IL1RAPL1: variants seen among roughly 807,000 people sequenced by gnomAD.
IL1RAPL1 encodes the protein interleukin-1 receptor accessory protein-like 1.
A neutral mutation model predicts 48.4 loss-of-function variants in IL1RAPL1; 3 were observed. That is an observed-to-expected ratio of 0.06 (90% CI 0.03 to 0.16). The LOEUF (loss-of-function observed/expected upper bound fraction) is 0.16. Among genes scored for constraint, IL1RAPL1 ranks in the 10% least tolerant of loss-of-function variants. IL1RAPL1 has a pLI of 1.00. For synonymous variants in IL1RAPL1, 185 were observed against 187.7 expected (o/e 0.99, Z 0.12); for missense variants, 349 against 530.6 (o/e 0.66, Z 3.36).
At chrX:28,926,744 C>T (rs1923752673) in intron 2 of IL1RAPL1, among the ~76,000 whole-genome samples, 1 of 111,365 alleles carries the variant, frequency 9.0e-6, no homozygotes, top group South Asian at 3.7e-4. Flanking sequence ...CTGATTTTCA[C>T]ACCTTCTTCT....
At chrX:29,266,351 A>G (rs1931956242) in intron 2 of IL1RAPL1, among the ~76,000 whole-genome samples, 1 of 112,095 alleles carries the variant, frequency 8.9e-6, no homozygotes, top group African/African-American at 3.2e-5. Flanking sequence ...GAAGCATAAT[A>G]GATACCAAAA....
chrX:29,838,698 C>T (rs1931069376), intron 6 of IL1RAPL1, among the ~76,000 whole-genome samples: 1 of 112,189 alleles, frequency 8.9e-6, no homozygotes, highest in Non-Finnish European at 1.9e-5. Flanking sequence ...AGCCCCACTT[C>T]TTACTAACAC....
At chrX:29,222,623 T>C (rs1213289606) in intron 2 of IL1RAPL1, among the ~76,000 whole-genome samples, 1 of 111,951 alleles carries the variant, frequency 8.9e-6, no homozygotes, top group East Asian at 2.8e-4. Context: ...AAAAATGAGA[T>C]GGGATACTAA....
chrX:29,058,309 G>A (rs991790877), intron 2 of IL1RAPL1, among the ~76,000 whole-genome samples: 5 of 110,293 alleles, frequency 4.5e-5, no homozygotes, highest in African/African-American at 1.6e-4. Flanking sequence ...CCCGGGAGGC[G>A]GAGGTTGCAG....
chrX:29,184,330 C>T (rs924108851), intron 2 of IL1RAPL1, among the ~76,000 whole-genome samples: 2 of 111,291 alleles, frequency 1.8e-5, no homozygotes, highest in Non-Finnish European at 3.8e-5. Context: ...ATTAAATTAA[C>T]CAGTGCTCAC....
chrX:29,080,852 C>A (rs1265013490), intron 2 of IL1RAPL1, among the ~76,000 whole-genome samples: 2 of 107,792 alleles, frequency 1.9e-5, no homozygotes, highest in African/African-American at 6.8e-5. Context: ...AAGCAATCCT[C>A]CCACCTCAGC....
intron 1 of IL1RAPL1, among the ~76,000 whole-genome samples, chrX:28,623,840 C>A (rs1934309986): frequency 9.1e-6 from 1 of 110,081 alleles, no homozygotes; most frequent in African/African-American, 3.3e-5. Flanking sequence ...ATTTAACAAG[C>A]AGTACCAAAA....
intron 5 of IL1RAPL1, among the ~76,000 whole-genome samples, chrX:29,500,664 T>G (rs1406188866): frequency 8.9e-6 from 1 of 112,550 alleles, no homozygotes; most frequent in African/African-American, 3.2e-5. Flanking sequence ...GAATAATATT[T>G]CATTATATTA....
rs183302175 is a variant in IL1RAPL1 at position 29,569,840 on chromosome X, G to A, written c.704-98590G>A. Among the ~76,000 whole-genome samples the A allele has an allele frequency of 6.3e-3, 708 of 111,705 alleles. 6 individuals carry two copies. The highest frequency in any genetic ancestry group is 0.022 in the African/African-American group (676 of 30,814). On this transcript the variant is annotated intron_variant, in intron 5 of 10. Coordinates refer to ENST00000378993, the MANE Select transcript of IL1RAPL1 (RefSeq NM_014271.4). ...CAGGAAAATATCAGACTACTGATTT[G>A]GGCTACAAATAACACTGCCTGGTTT... is the stretch of plus-strand genomic sequence containing the variant.
At chrX:29,493,264 A>C (rs1254451392) in intron 5 of IL1RAPL1, among the ~76,000 whole-genome samples, 1 of 111,830 alleles carries the variant, frequency 8.9e-6, no homozygotes, top group East Asian at 2.8e-4. Context: ...ACAGAACCCA[A>C]ATCTCTAGGC....
intron 6 of IL1RAPL1, among the ~76,000 whole-genome samples, chrX:29,764,840 G>T (rs7887830): frequency 0.15 from 16,232 of 111,118 alleles, 1,282 homozygotes; most frequent in African/African-American, 0.3. Context: ...CCATTTTATG[G>T]GTTTTCTACC....
At chrX:29,169,167 G>C (rs533014844) in intron 2 of IL1RAPL1, among the ~76,000 whole-genome samples, 2 of 108,304 alleles carry the variant, frequency 1.8e-5, no homozygotes, top group African/African-American at 6.7e-5. Context: ...CATTTCCTTT[G>C]GATATATATC....
chrX:29,332,641 TTTATTTATTTTA>T (rs1320786766), intron 3 of IL1RAPL1, among the ~76,000 whole-genome samples: 10 of 100,615 alleles, frequency 9.9e-5, no homozygotes, highest in African/African-American at 3.2e-4. Context: ...TATTTATTTA[TTTATTTATTTTA>T]TTTTTTTTTT....
chrX:28,946,060 A>G (rs1217400407), intron 2 of IL1RAPL1, among the ~76,000 whole-genome samples: 1 of 109,925 alleles, frequency 9.1e-6, no homozygotes, highest in Non-Finnish European at 1.9e-5. Context: ...TGATACAAAT[A>G]TATAGTGAGC....
At chrX:29,182,453 A>G (rs1188426472) in intron 2 of IL1RAPL1, among the ~76,000 whole-genome samples, 1 of 112,287 alleles carries the variant, frequency 8.9e-6, no homozygotes, top group Non-Finnish European at 1.9e-5. Context: ...AAGAAAACAA[A>G]CCAAAATCTT....
intron 6 of IL1RAPL1, among the ~76,000 whole-genome samples, chrX:29,719,743 CAAAAAA>C (rs372308075): frequency 4.6e-4 from 10 of 21,896 alleles, no homozygotes; most frequent in African/African-American, 1.0e-3. Context: ...GAAAGATGAG[CAAAAAA>C]AAAAAAAAAA....
At chrX:29,572,808 T>C (rs944919758) in intron 5 of IL1RAPL1, among the ~76,000 whole-genome samples, 1 of 112,532 alleles carries the variant, frequency 8.9e-6, no homozygotes, top group Non-Finnish European at 1.9e-5. Flanking sequence ...GAAAATACTA[T>C]GACAGCAGAA....
chrX:29,221,828 T>C (rs1227954811), intron 2 of IL1RAPL1, among the ~76,000 whole-genome samples: 1 of 109,543 alleles, frequency 9.1e-6, no homozygotes, highest in Admixed American at 9.8e-5. Flanking sequence ...CTGACCAACA[T>C]GGTGAAATCC....
chrX:29,825,353 A>G (rs1005857636), intron 6 of IL1RAPL1, among the ~76,000 whole-genome samples: 15 of 111,272 alleles, frequency 1.3e-4, no homozygotes, highest in Admixed American at 1.9e-4. Context: ...ATAAACTTCA[A>G]TATGAATCTT....
Sources: allele counts gnomAD v4.1 joint callset (sites outside exome capture counted in the v4.1 genomes callset), GRCh38; gene constraint gnomAD v4.1.1; transcripts MANE v1.5; gene names NCBI Gene and HGNC (gene_info 2026-07-23, HGNC 2026-07-21).